CFAP57: variants seen among roughly 807,000 people sequenced by gnomAD.
The protein encoded by CFAP57 is cilia and flagella associated protein 57, also known as cilia- and flagella-associated protein 57.
In CFAP57, 116 loss-of-function variants were observed where a neutral mutation model predicts 146.8. The ratio of observed to expected loss-of-function variants is 0.79; its 90% CI spans 0.68 to 0.92. The LOEUF (loss-of-function observed/expected upper bound fraction) is 0.92. Ranked by LOEUF, CFAP57 falls within the 40% of genes least tolerant of loss-of-function variation. CFAP57 has a pLI of 0.00. For synonymous variants in CFAP57, 518 were observed against 552.8 expected, an observed-to-expected ratio of 0.94 and a Z score of 0.88; for missense variants, 1,377 against 1,527.2, an observed-to-expected ratio of 0.90 and a Z score of 1.64.
At chr1:43,194,937 G>A (rs762438543) in intron 6 of CFAP57, 1 of 152,066 alleles carries the variant, frequency 6.6e-6, no homozygotes, top group Non-Finnish European at 1.5e-5. Context: ...GCTGCCGTAG[G>A]GAATTTTGTT....
rs1051481397 is a variant in CFAP57 at position 43,185,280 on chromosome 1, C to G, written c.893C>G (p.Ser298Cys). 13 of 1,613,980 alleles carry G rather than the reference C, an allele frequency of 8.1e-6. No homozygotes were observed. Among genetic ancestry groups the G allele is most frequent in the South Asian group, 2.2e-5 (2 of 91,078 alleles). ...GCCTATTCAAAGGGATTTGCCTGTT[C>G]TGCTGGGCCAGGGAGAGTTCTGCTG... ...IAAYSKGFACSAGPGRVLLFE... is the reference protein window; with the variant it reads ...IAAYSKGFACCAGPGRVLLFE... The change falls in exon 5 of 23, where the codon TCT (serine) becomes TGT (cysteine). Residue 298 changes from serine (S) to cysteine (C), a missense_variant. Coordinates refer to ENST00000372492, the MANE Select transcript of CFAP57 (RefSeq NM_001378189.1).
At chr1:43,236,530 C>T (rs1297327490) in intron 21 of CFAP57, among the ~76,000 whole-genome samples, 1 of 120,684 alleles carries the variant, frequency 8.3e-6, no homozygotes, top group Non-Finnish European at 1.6e-5. Context: ...GGGGTTCCTG[C>T]AAGATTGAAT....
At chr1:43,187,763 C>T (rs987988742) in intron 6 of CFAP57, among the ~76,000 whole-genome samples, 3 of 152,026 alleles carry the variant, frequency 2.0e-5, no homozygotes, top group African/African-American at 4.8e-5. Flanking sequence ...AATCATAAAA[C>T]GTGTGGACTT....
intron 9 of CFAP57, among the ~76,000 whole-genome samples, chr1:43,205,872 A>G (rs955592191): frequency 1.3e-5 from 2 of 152,228 alleles, no homozygotes; most frequent in Non-Finnish European, 2.9e-5. Flanking sequence ...AGGCCGTAAC[A>G]GAGCGAGTCA....
intron 21 of CFAP57, among the ~76,000 whole-genome samples, chr1:43,236,864 G>A (rs1216005454): frequency 6.6e-6 from 1 of 151,628 alleles, no homozygotes; most frequent in South Asian, 2.1e-4. Flanking sequence ...AGCCAAGATC[G>A]GGCCACTGCA....
In CFAP57 at chr1:43,234,539, C is replaced by A. The variant is rs1376029330; in HGVS notation, c.3306C>A (p.Thr1102=). The A allele has an allele frequency of 6.5e-7, 1 of 1,550,382 alleles. No individual in the cohort carries two copies. Among genetic ancestry groups the A allele is most frequent in the African/African-American group, 1.4e-5 (1 of 73,134 alleles). The change falls in exon 21 of 23, where the codon ACC becomes ACA. Residue 1102 remains threonine (T), a synonymous_variant. Transcript: ENST00000372492. The part of the protein sequence containing the change: ...GLNTDLQQEY[T]RQREHLERNL... ...ACACAGACCTGCAGCAGGAGTACACCCGGCAGCGGGAGCACCTGGAGAGGA... is the reference window on the plus strand; with the variant it reads ...ACACAGACCTGCAGCAGGAGTACACACGGCAGCGGGAGCACCTGGAGAGGA...
intron 9 of CFAP57, 124 bp downstream of exon 9, chr1:43,199,627 G>A (rs890941600): frequency 1.2e-6 from 1 of 846,484 alleles, no homozygotes; most frequent in Middle Eastern, 3.3e-4. Context: ...GTCTACTTGG[G>A]GAAAGAGACA....
chr1:43,179,131 G>A (rs893559892), intron 2 of CFAP57, among the ~76,000 whole-genome samples: 3 of 152,058 alleles, frequency 2.0e-5, no homozygotes, highest in Non-Finnish European at 4.4e-5. Context: ...ACCGGGGCCT[G>A]TTGTGGGGTG....
In CFAP57 at chr1:43,232,584, T is replaced by C; in HGVS notation, c.3086T>C (p.Leu1029Pro). The C allele has an allele frequency of 2.6e-6, 4 of 1,549,188 alleles. No individual in the cohort carries two copies. Among genetic ancestry groups the C allele is most frequent in the Non-Finnish European group, 2.6e-6 (3 of 1,145,930 alleles). ...AACATCACAGAATTGTGGCAGAAAC[T>C]GAGAGCCACCGATCAGGAGATGCGC... is the stretch of plus-strand genomic sequence containing the variant. ...ELNITELWQKLRATDQEMRRE... is the reference protein window; with the variant it reads ...ELNITELWQKPRATDQEMRRE... Residue 1029 changes from leucine (L) to proline (P), a missense_variant, in exon 19 of 23, where the codon CTG (leucine) becomes CCG (proline). By Grantham distance (98) the Leu-to-Pro change is moderately conservative (BLOSUM62 -3). Coordinates refer to ENST00000372492, the MANE Select transcript of CFAP57 (RefSeq NM_001378189.1).
intron 6 of CFAP57, among the ~76,000 whole-genome samples, chr1:43,195,783 A>G (rs1410894976): frequency 6.6e-6 from 1 of 152,260 alleles, no homozygotes; most frequent in Non-Finnish European, 1.5e-5. Context: ...TTATAGAAAT[A>G]TAAAACACAT....
rs534653925 is a variant in CFAP57, at chr1:43,222,059, C to T, written c.2342-46C>T. 8 of 1,490,338 alleles carry T rather than the reference C, an allele frequency of 5.4e-6. No homozygotes were observed. The South Asian group carries it at 8.1e-5, about 15-fold the overall frequency. 92.3% of individuals were successfully genotyped at this position (1,490,338 alleles called of 1,614,324 possible). A position where few individuals can be genotyped will look rare whatever the true frequency, so the allele number is the denominator to read the frequency against. ...CCAAGGCTCCTGGGTGTCCCTGAAG[C>T]AAGTGCTGCTCTCCCACCTTAAATA... is the stretch of plus-strand genomic sequence containing the variant. On this transcript the variant is annotated intron_variant, in intron 14 of 22. Coordinates refer to ENST00000372492, the MANE Select transcript of CFAP57 (RefSeq NM_001378189.1).
At chr1:43,188,886 A>G (rs1033601738) in intron 6 of CFAP57, among the ~76,000 whole-genome samples, 7 of 152,244 alleles carry the variant, frequency 4.6e-5, no homozygotes, top group Non-Finnish European at 8.8e-5. Context: ...TCATAGTGCT[A>G]GCTCTTACAT....
At chr1:43,177,165 A>G (rs1645204919) in intron 2 of CFAP57, 1 of 456,298 alleles carries the variant, frequency 2.2e-6, no homozygotes, top group Non-Finnish European at 4.4e-6. Context: ...AGGAGGAGAA[A>G]GAAAGGAAGC....
chr1:43,175,487 C>CA (rs111537329), intron 2 of CFAP57, among the ~76,000 whole-genome samples: 30,451 of 151,436 alleles, frequency 0.2, 3,568 homozygotes, highest in Middle Eastern at 0.3. Flanking sequence ...CTCCATCCTT[C>CA]CAGTTTTTTA....
At chr1:43,237,723 G>A (rs1645757374) in intron 21 of CFAP57, among the ~76,000 whole-genome samples, 5 of 152,202 alleles carry the variant, frequency 3.3e-5, no homozygotes, top group Admixed American at 3.3e-4. Context: ...GGTGCTTGGA[G>A]ACCCAAGAGT....
chr1:43,178,594 C>T (rs1645260966), intron 2 of CFAP57, among the ~76,000 whole-genome samples: 1 of 152,226 alleles, frequency 6.6e-6, no homozygotes, highest in Admixed American at 6.5e-5. Context: ...GATACCATCT[C>T]ACACCAGTTA....
chr1:43,226,010 CAAAAATATA>C (rs1645230650), intron 17 of CFAP57, among the ~76,000 whole-genome samples: 1 of 151,874 alleles, frequency 6.6e-6, no homozygotes, highest in Admixed American at 6.6e-5. Flanking sequence ...CCATCTCTAC[CAAAAATATA>C]AAAATTAGCC....
At position 43,209,978 on chromosome 1, in the gene CFAP57, T is replaced by C. The variant is rs751609340; in HGVS notation, c.1929+62T>C. 4 of 1,613,300 alleles carry C rather than the reference T, an allele frequency of 2.5e-6. No homozygotes were observed. The African/African-American group carries it at 4.0e-5, about 16-fold the overall frequency. ...ACCTGCCTGCTACGTGCCTTGTTCA[T>C]CCCTTCAACCTCCCAATGTCTTTTC... On this transcript the variant is annotated intron_variant, in intron 11 of 22. Transcript: ENST00000372492.
intron 2 of CFAP57, among the ~76,000 whole-genome samples, chr1:43,179,720 T>C (rs1327965580): frequency 2.6e-5 from 4 of 152,198 alleles, no homozygotes; most frequent in African/African-American, 9.7e-5. Flanking sequence ...TTTAGAACCA[T>C]GTCCACCTGC....
Sources: allele counts gnomAD v4.1 joint callset (sites outside exome capture counted in the v4.1 genomes callset), GRCh38; gene constraint gnomAD v4.1.1; transcripts MANE v1.5; gene names NCBI Gene and HGNC (gene_info 2026-07-23, HGNC 2026-07-21).